The following RDX variants were observed in gnomAD, a reference collection of about 807,000 sequenced individuals.
RDX encodes the protein deafness, autosomal recessive 24.
Under a neutral mutation model 83.7 loss-of-function variants are expected in RDX, and 32 were observed. The observed-to-expected ratio is 0.38, with a 90% CI of 0.29 to 0.51. The LOEUF (loss-of-function observed/expected upper bound fraction) is 0.51. Ranked by LOEUF, RDX falls within the 20% of genes least tolerant of loss-of-function variation. The probability of loss-of-function intolerance (pLI) is 0.87; values close to 1 mark genes in which losing one functional copy is unlikely to be tolerated. For missense variants in RDX, 600 were observed against 689.9 expected (o/e 0.87, Z 1.46); for synonymous variants, 229 against 222.7 (o/e 1.03, Z -0.25).
chr11:110,232,841 C>G (rs1238009596), intron 13 of RDX, among the ~76,000 whole-genome samples: 1 of 152,198 alleles, frequency 6.6e-6, no homozygotes, highest in Non-Finnish European at 1.5e-5. Flanking sequence ...TCTTGAACTC[C>G]TGGCCTCAGG....
chr11:110,189,767 A>G (rs1863067983), intron 15 of RDX, among the ~76,000 whole-genome samples: 1 of 152,198 alleles, frequency 6.6e-6, no homozygotes, highest in Non-Finnish European at 1.5e-5. Context: ...TTCAGTAAAC[A>G]ATGAAATTAA....
intron 2 of RDX, chr11:110,272,925 A>T (rs1264886879): frequency 2.1e-6 from 1 of 469,752 alleles, no homozygotes; most frequent in Admixed American, 2.3e-5. Context: ...GGACACGTGG[A>T]TATTAAAAGG....
chr11:110,240,296 A>C (rs1388574551), intron 10 of RDX, among the ~76,000 whole-genome samples: 2 of 151,348 alleles, frequency 1.3e-5, no homozygotes, highest in Non-Finnish European at 3.0e-5. Context: ...ACAGAAAGAC[A>C]ACTATTGCAT....
At chr11:110,225,839 G>C (rs1864413584), downstream of RDX, among the ~76,000 whole-genome samples, 1 of 151,868 alleles carries the variant, frequency 6.6e-6, no homozygotes, top group African/African-American at 2.4e-5. Context: ...CTGAGGTTAG[G>C]AGTTCAAGAC....
chr11:110,236,194 A>G lies in RDX; in HGVS notation c.1252-3T>C, dbSNP rs760678686. ...GTGAATTCAGCAAGTTCTGCTGCCT[A>G]AAGTAAACAATATAATTCCAAAATT... On this transcript the variant is annotated splice_polypyrimidine_tract_variant and splice_region_variant and intron_variant, in intron 11 of 13. Coordinates refer to ENST00000645495, the MANE Select transcript of RDX (RefSeq NM_002906.4). 1.4e-5 allele frequency: 23 copies of G among 1,605,762 alleles called. No individual in the cohort carries two copies. The highest frequency in any genetic ancestry group is 4.5e-5 in the East Asian group (2 of 44,812).
At chr11:110,177,673 C>T (rs1414914212) in intron 15 of RDX, among the ~76,000 whole-genome samples, 3 of 151,876 alleles carry the variant, frequency 2.0e-5, no homozygotes, top group South Asian at 2.1e-4. Flanking sequence ...TTGGTAGAGA[C>T]GAGGTTTGCC....
intron 6 of RDX, 45 bp from the exon 7 acceptor site, chr11:110,257,958 T>C: frequency 6.3e-7 from 1 of 1,588,166 alleles, no homozygotes; most frequent in Non-Finnish European, 8.6e-7. Flanking sequence ...TAGGAGCATA[T>C]CAAACTAAAG....
At chr11:110,198,443 C>T (rs779431898) in intron 15 of RDX, among the ~76,000 whole-genome samples, 11 of 152,062 alleles carry the variant, frequency 7.2e-5, no homozygotes, top group Admixed American at 1.3e-4. Flanking sequence ...ATCCCTGGGC[C>T]GAGGACCAGT....
At chr11:110,207,682 A>G (rs1863657061) in intron 14 of RDX, among the ~76,000 whole-genome samples, 1 of 152,214 alleles carries the variant, frequency 6.6e-6, no homozygotes, top group African/African-American at 2.4e-5. Context: ...TGAAATTCAG[A>G]GTTAAGTGTC....
At chr11:110,280,819 C>T (rs1031238166) in intron 1 of RDX, among the ~76,000 whole-genome samples, 1 of 152,108 alleles carries the variant, frequency 6.6e-6, no homozygotes, top group Non-Finnish European at 1.5e-5. Flanking sequence ...CAGAGCAAGA[C>T]CCTGTCTCAA....
intron 5 of RDX, among the ~76,000 whole-genome samples, chr11:110,259,066 C>T (rs114688170): frequency 6.6e-6 from 1 of 151,588 alleles, no homozygotes; most frequent in African/African-American, 2.4e-5. Context: ...TACAGGCGTG[C>T]GCCATAATGC....
intron 1 of RDX, among the ~76,000 whole-genome samples, chr11:110,292,523 T>C (rs2134456491): frequency 6.6e-6 from 1 of 152,136 alleles, no homozygotes; most frequent in Non-Finnish European, 1.5e-5. Flanking sequence ...TTTAAACCAG[T>C]TGGAGAATTT....
downstream of RDX, among the ~76,000 whole-genome samples, chr11:110,228,229 T>C (rs1864494919): frequency 6.6e-6 from 1 of 152,130 alleles, no homozygotes; most frequent in African/African-American, 2.4e-5. Flanking sequence ...TCCTAGTTAC[T>C]ACCGTAGACT....
chr11:110,277,152 A>G (rs1255599429), intron 2 of RDX, among the ~76,000 whole-genome samples: 6 of 152,144 alleles, frequency 3.9e-5, no homozygotes, highest in Non-Finnish European at 1.5e-5. Flanking sequence ...AACTGCATAT[A>G]ATTTTGACTC....
chr11:110,179,530 C>T (rs1034997720), intron 15 of RDX, among the ~76,000 whole-genome samples: 2 of 152,198 alleles, frequency 1.3e-5, no homozygotes. Flanking sequence ...CCCAGCACTT[C>T]GGAAGGCCGA....
At chr11:110,206,186 G>A (rs899704468) in intron 14 of RDX, among the ~76,000 whole-genome samples, 1 of 149,352 alleles carries the variant, frequency 6.7e-6, no homozygotes, top group Non-Finnish European at 1.5e-5. Flanking sequence ...GAACCCAGGA[G>A]GCAGAGGTTG....
chr11:110,254,483 C>CT (rs879539387), intron 8 of RDX, among the ~76,000 whole-genome samples: 2,896 of 144,398 alleles, frequency 0.02, 96 homozygotes, highest in African/African-American at 0.067. Flanking sequence ...TAGAATTGTT[C>CT]TTTTTTTTTT....
At chr11:110,283,936 A>G (rs1331669963) in intron 1 of RDX, among the ~76,000 whole-genome samples, 1 of 152,218 alleles carries the variant, frequency 6.6e-6, no homozygotes, top group Non-Finnish European at 1.5e-5. Flanking sequence ...TTAAATATAT[A>G]AAGATATTGC....
chr11:110,292,035 G>C (rs1295771800), intron 1 of RDX, among the ~76,000 whole-genome samples: 1 of 152,090 alleles, frequency 6.6e-6, no homozygotes, highest in East Asian at 1.9e-4. Flanking sequence ...GTTCACACCT[G>C]TAATCCCAGC....
Sources: gnomAD v4.1 joint callset for allele counts (sites outside exome capture counted in the v4.1 genomes callset) on GRCh38, gnomAD v4.1.1 for gene constraint, MANE v1.5 for transcripts, NCBI Gene and HGNC (gene_info 2026-07-23, HGNC 2026-07-21) for gene names.